Variants in PCDHGB1 observed in about 807,000 individuals in gnomAD.
PCDHGB1 encodes the protein protocadherin gamma-B1.
A neutral mutation model predicts 56.6 loss-of-function variants in PCDHGB1; 34 were observed. The ratio of observed to expected loss-of-function variants is 0.60; its 90% CI spans 0.46 to 0.80. The LOEUF (loss-of-function observed/expected upper bound fraction) is 0.80. Ranked by LOEUF, PCDHGB1 falls within the 30% of genes least tolerant of loss-of-function variation. PCDHGB1 has a pLI of 0.00. For missense variants in PCDHGB1, 1,278 were observed against 1,204.6 expected (o/e 1.06, Z -0.90); for synonymous variants, 561 against 505.9 (o/e 1.11, Z -1.46).
In PCDHGB1 at chr5:141,491,679, T is replaced by G. The variant is rs111288145; in HGVS notation, c.2410-3128T>G. 1 of 1,613,496 alleles carries G rather than the reference T, an allele frequency of 6.2e-7. No individual in the cohort carries two copies. Among genetic ancestry groups the G allele is most frequent in the Non-Finnish European group, 8.5e-7 (1 of 1,179,828 alleles). On this transcript the variant is annotated intron_variant, in intron 1 of 3. Coordinates refer to ENST00000523390, the MANE Select transcript of PCDHGB1 (RefSeq NM_018922.3). The surrounding 1 kb of genome is among the most constrained non-coding windows in gnomAD (Gnocchi z 6.9). ...CTGACGCCATCCGGTCCCGCTCTAA[T>G]ACGCTGCGGGAGCGGAGCCAGGTGA...
At chr5:141,365,167 C>T (rs201444039) in intron 1 of PCDHGB1, 1 of 1,613,950 alleles carries the variant, frequency 6.2e-7, no homozygotes, top group Non-Finnish European at 8.5e-7. Flanking sequence ...AATTGACCTA[C>T]TCTTTTCGCA....
Position 141,431,954 on chromosome 5 carries a change from G to T in PCDHGB1, c.2410-62853G>T. On this transcript the variant is annotated intron_variant, in intron 1 of 3. Coordinates refer to ENST00000523390, the MANE Select transcript of PCDHGB1 (RefSeq NM_018922.3). The surrounding 1 kb of genome is among the most constrained non-coding windows in gnomAD (Gnocchi z 4.8). Reference sequence around the variant, plus strand: ...GCCCTTTAAATTAGAAAAATCTTACGGAAATTACTATAGTTTAGTCACAGA... The same window carrying T: ...GCCCTTTAAATTAGAAAAATCTTACTGAAATTACTATAGTTTAGTCACAGA... The T allele has an allele frequency of 6.2e-7, 1 of 1,614,110 alleles. No homozygotes were observed. Among genetic ancestry groups the T allele is most frequent in the Non-Finnish European group, 8.5e-7 (1 of 1,180,010 alleles).
intron 1 of PCDHGB1, chr5:141,375,687 G>A (rs1588775167): frequency 6.2e-7 from 1 of 1,614,258 alleles, no homozygotes. Flanking sequence ...GTGACAGCCA[G>A]CGACAGCGGG....
At chr5:141,374,811 C>A (rs1770858987) in intron 1 of PCDHGB1, 1 of 1,613,868 alleles carries the variant, frequency 6.2e-7, no homozygotes, top group Admixed American at 1.7e-5. Flanking sequence ...CCAATGTTTA[C>A]TCAGCCTGTC....
chr5:141,458,165 A>T lies in PCDHGB1; in HGVS notation c.2410-36642A>T, dbSNP rs10075475. On this transcript the variant is annotated intron_variant, in intron 1 of 3. Coordinates refer to ENST00000523390, the MANE Select transcript of PCDHGB1 (RefSeq NM_018922.3). Reference sequence around the variant, plus strand: ...TGAACATGCTCCAAATTTTGTTCACAGTAGTATACCTTACTTGATTATTAA... The same window carrying T: ...TGAACATGCTCCAAATTTTGTTCACTGTAGTATACCTTACTTGATTATTAA... Among the ~76,000 whole-genome samples the T allele has an allele frequency of 2.4e-3, 368 of 152,356 alleles. 2 individuals carry two copies. The highest frequency in any genetic ancestry group is 8.5e-3 in the African/African-American group (354 of 41,588).
chr5:141,400,559 C>T (rs2150864766), intron 1 of PCDHGB1: 2 of 1,613,274 alleles, frequency 1.2e-6, no homozygotes, highest in Non-Finnish European at 1.7e-6. Flanking sequence ...TTTTCATTAC[C>T]CACCCAATTT....
chr5:141,392,187 AT>A (rs1221931532), intron 1 of PCDHGB1: 1 of 152,234 alleles, frequency 6.6e-6, no homozygotes, highest in Non-Finnish European at 1.5e-5. Context: ...CAGTAGGTCT[AT>A]TTTAGTCTCA....
rs1184232947 is a variant in PCDHGB1 at position 141,487,060 on chromosome 5, G to T, written c.2410-7747G>T. ...TCTCTCGATATGCTGGGGAGGTGCG[G>T]ACGGCTGTTCCTATCCCAGCTGACC... On this transcript the variant is annotated intron_variant, in intron 1 of 3. Transcript: ENST00000523390. This position sits in a 1 kb window ranked among gnomAD's most constrained non-coding sequence, Gnocchi z 5.0. The T allele has an allele frequency of 1.9e-6, 3 of 1,614,182 alleles. No individual in the cohort carries two copies. In the East Asian group the frequency reaches 6.7e-5, roughly 36 times the overall value.
chr5:141,357,157 CCT>C, intron 1 of PCDHGB1: 1 of 1,613,660 alleles, frequency 6.2e-7, no homozygotes, highest in South Asian at 1.1e-5. Flanking sequence ...TGGCCAGCCC[CCT>C]CTCTCGGCCA....
At chr5:141,360,584 CA>C (rs1475188649) in intron 1 of PCDHGB1, 7 of 1,613,944 alleles carry the variant, frequency 4.3e-6, no homozygotes, top group Non-Finnish European at 5.1e-6. Context: ...AAGCCAGGTA[CA>C]ACATTTCCAC....
intron 1 of PCDHGB1, chr5:141,393,987 T>C (rs1361027983): frequency 1.2e-6 from 2 of 1,613,490 alleles, no homozygotes; most frequent in Admixed American, 3.3e-5. Flanking sequence ...TAATTTACCT[T>C]TTAAATTAGA....
chr5:141,512,866 AC>A lies in PCDHGB1; in HGVS notation c.*1694del. Reference sequence around the variant, plus strand: ...TATAAGCGCTTCTCTTCGCATAGTCACGTAGCTCCCACCCCACCCTCTTCCT... The same window carrying A: ...TATAAGCGCTTCTCTTCGCATAGTCAGTAGCTCCCACCCCACCCTCTTCCT... On this transcript the variant is annotated 3_prime_UTR_variant, in exon 4 of 4. Transcript: ENST00000523390. 1 of 152,098 alleles carries A rather than the reference AC, an allele frequency of 6.6e-6. No homozygotes were observed. Among genetic ancestry groups the A allele is most frequent in the Non-Finnish European group, 1.5e-5 (1 of 68,034 alleles). 9.4% of individuals were successfully genotyped at this position (152,098 alleles called of 1,614,324 possible).
Position 141,491,420 on chromosome 5 carries a change from G to A in PCDHGB1, c.2410-3387G>A, listed in dbSNP as rs2099713954. 1.2e-6 allele frequency: 2 copies of A among 1,614,004 alleles called. No homozygotes were observed. The highest frequency in any genetic ancestry group is 2.2e-5 in the South Asian group (2 of 91,090). On this transcript the variant is annotated intron_variant, in intron 1 of 3. Transcript: ENST00000523390. This position sits in a 1 kb window ranked among gnomAD's most constrained non-coding sequence, Gnocchi z 6.9. ...GGAAACGCAGACGGGGACGGGGGTG[G>A]AGGGCAGTGCTGCAGGCGCCAGGAC...
At chr5:141,364,349 G>C (rs758855393) in intron 1 of PCDHGB1, 1 of 1,549,456 alleles carries the variant, frequency 6.5e-7, no homozygotes, top group Middle Eastern at 1.7e-4. Flanking sequence ...TCCACCTAGG[G>C]GCTGGGGCTG....
At chr5:141,376,250 C>T (rs777637519) in intron 1 of PCDHGB1, 13 of 1,614,128 alleles carry the variant, frequency 8.1e-6, no homozygotes, top group African/African-American at 8.0e-5. Flanking sequence ...GCACAAGTCA[C>T]GCCTGCTGCA....
chr5:141,394,487 C>A, intron 1 of PCDHGB1: 1 of 1,614,248 alleles, frequency 6.2e-7, no homozygotes. Context: ...AGAATGACAA[C>A]GCGCCCGAGA....
intron 1 of PCDHGB1, among the ~76,000 whole-genome samples, chr5:141,460,270 C>T (rs1223096441): frequency 6.6e-6 from 1 of 151,828 alleles, no homozygotes; most frequent in Non-Finnish European, 1.5e-5. Context: ...TTTATTTTTT[C>T]TTTTATAGTT....
chr5:141,355,125 C>T (rs1759721268), intron 1 of PCDHGB1: 3 of 1,516,258 alleles, frequency 2.0e-6, no homozygotes, highest in African/African-American at 1.4e-5. Flanking sequence ...TTATTTTGGA[C>T]CCAGAAGATC....
chr5:141,372,098 G>A lies in PCDHGB1; in HGVS notation c.2409+19429G>A. ...CGCTGGTGCTGTACCCAGCTCTGGG[G>A]CCCGAAGGCTCTGCGCTCTTCGATA... On this transcript the variant is annotated intron_variant, in intron 1 of 3. Transcript: ENST00000523390. The A allele has an allele frequency of 2.5e-6, 4 of 1,613,794 alleles. No individual in the cohort carries two copies. In the South Asian group the frequency reaches 4.4e-5, roughly 18 times the overall value.
Sources: gnomAD v4.1 joint callset for allele counts (sites outside exome capture counted in the v4.1 genomes callset) on GRCh38, gnomAD v4.1.1 for gene constraint, Gnocchi (gnomAD v3.1) non-coding constraint, MANE v1.5 for transcripts, NCBI Gene and HGNC (gene_info 2026-07-23, HGNC 2026-07-21) for gene names.